The following NEDD4 variants were observed in gnomAD, a reference collection of about 807,000 sequenced individuals.
The protein encoded by NEDD4 is NEDD4 E3 ubiquitin protein ligase.
NEDD4 carries 99 observed loss-of-function variants against 144.9 expected under a neutral mutation model. The ratio of observed to expected loss-of-function variants is 0.68; its 90% CI spans 0.58 to 0.81. The LOEUF (loss-of-function observed/expected upper bound fraction) is 0.81, where lower values mean the gene tolerates loss of function less well. Ranked by LOEUF, NEDD4 falls within the 30% of genes least tolerant of loss-of-function variation. The pLI is 0.00. For missense variants in NEDD4, 985 were observed against 1,065.9 expected (o/e 0.92, Z 1.06); for synonymous variants, 318 against 350.6 (o/e 0.91, Z 1.04).
At chr15:55,848,255 G>T in intron 17 of NEDD4, 117 bp downstream of exon 17, 1 of 903,336 alleles carries the variant, frequency 1.1e-6, no homozygotes, top group Non-Finnish European at 1.8e-6. Flanking sequence ...GGGGAGAGGA[G>T]AGAACGGCCA....
chr15:55,930,894 A>G (rs1472045779), intron 4 of NEDD4, among the ~76,000 whole-genome samples: 1 of 151,884 alleles, frequency 6.6e-6, no homozygotes, highest in Non-Finnish European at 1.5e-5. Context: ...AGTCCATTAA[A>G]CCTCTTTCCT....
intron 4 of NEDD4, among the ~76,000 whole-genome samples, chr15:55,950,256 C>G (rs2037214133): frequency 6.6e-6 from 1 of 152,144 alleles, no homozygotes; most frequent in Admixed American, 6.6e-5. Flanking sequence ...TTATGTCATA[C>G]TACATAGAGT....
intron 1 of NEDD4, among the ~76,000 whole-genome samples, chr15:55,990,955 T>C (rs8031535): frequency 0.16 from 23,605 of 152,190 alleles, 3,435 homozygotes; most frequent in East Asian, 0.44. Context: ...AAGTCACTTA[T>C]ATGTGGAAGA....
intron 1 of NEDD4, among the ~76,000 whole-genome samples, chr15:55,988,645 G>C (rs1595891955): frequency 6.6e-6 from 1 of 152,140 alleles, no homozygotes; most frequent in Admixed American, 6.5e-5. Context: ...AATTTGGATG[G>C]TATCTGTGGA....
At chr15:55,865,552 T>A (rs199718541) in intron 8 of NEDD4, among the ~76,000 whole-genome samples, 1 of 149,040 alleles carries the variant, frequency 6.7e-6, no homozygotes, top group East Asian at 2.0e-4. Flanking sequence ...TAAATAACAT[T>A]AAAAAAAAAA....
chr15:55,866,582 C>T (rs969263951), intron 8 of NEDD4, among the ~76,000 whole-genome samples: 17 of 152,054 alleles, frequency 1.1e-4, no homozygotes, highest in Admixed American at 2.6e-4. Flanking sequence ...TAAAATAGTT[C>T]TCACTACTGC....
intron 5 of NEDD4, among the ~76,000 whole-genome samples, chr15:55,919,216 CAGAT>C (rs1304296615): frequency 9.2e-5 from 14 of 152,108 alleles, no homozygotes; most frequent in Non-Finnish European, 4.4e-5. Flanking sequence ...CAGAAGACAC[CAGAT>C]AGAAGTCTGG....
rs539030774 is a variant in NEDD4 at position 55,936,393 on chromosome 15, T to C, written c.238-11694A>G. Among the ~76,000 whole-genome samples, 16 of 152,014 alleles carry C rather than the reference T, an allele frequency of 1.1e-4. No homozygotes were observed. In the South Asian group the frequency reaches 3.1e-3, roughly 30 times the overall value. ...AAATTTGTGTGCGTATGTAGGTAAG[T>C]TTTTTCCCCCTATCCATAAAAATAC... On this transcript the variant is annotated intron_variant, in intron 4 of 28. Transcript: ENST00000435532.
rs751583068 is a variant in NEDD4, at chr15:55,850,560, G to A, written c.1329C>T (p.Asn443=). The part of the protein sequence containing the change: ...PNGRPFFIDH[N]TKTTTWEDPR... Reference sequence around the variant, plus strand: ...AAGTTACCCAGGTGGTGGTTTTAGTGTTGTGGTCAATAAAGAAAGGCCTCC... The same window carrying A: ...AAGTTACCCAGGTGGTGGTTTTAGTATTGTGGTCAATAAAGAAAGGCCTCC... The change falls in exon 14 of 29, where the codon AAC becomes AAT. Residue 443 remains asparagine, a synonymous_variant. Transcript: ENST00000435532. 2.5e-6 allele frequency: 4 copies of A among 1,614,140 alleles called. No homozygotes were observed. Among genetic ancestry groups the A allele is most frequent in the Admixed American group, 3.3e-5 (2 of 60,022 alleles).
intron 5 of NEDD4, among the ~76,000 whole-genome samples, chr15:55,883,114 G>A (rs959615817): frequency 6.6e-6 from 1 of 152,274 alleles, no homozygotes; most frequent in Admixed American, 6.5e-5. Context: ...CTCAGTTCTT[G>A]GATGGCATTT....
Position 55,827,984 on chromosome 15 carries a change from T to C in NEDD4, c.*1913A>G, listed in dbSNP as rs546535741. The stretch of plus-strand genomic sequence containing the variant: ...TACTCTCATTTGACAGATGAAGAAA[T>C]ATGAATCCAGAGAGGTTAAGTAAGC... On this transcript the variant is annotated 3_prime_UTR_variant, in exon 29 of 29. Transcript: ENST00000435532. The C allele has an allele frequency of 6.6e-6, 1 of 152,298 alleles. No individual in the cohort carries two copies. Among genetic ancestry groups the C allele is most frequent in the South Asian group, 2.1e-4 (1 of 4,826 alleles). 9.4% of individuals were successfully genotyped at this position (152,298 alleles called of 1,614,324 possible).
intron 4 of NEDD4, among the ~76,000 whole-genome samples, chr15:55,936,683 C>T (rs1253522305): frequency 6.6e-6 from 1 of 152,128 alleles, no homozygotes; most frequent in Non-Finnish European, 1.5e-5. Context: ...GATGCCCAAG[C>T]ACAATTCTTA....
intron 1 of NEDD4, among the ~76,000 whole-genome samples, chr15:55,986,366 G>A (rs1161508747): frequency 6.6e-6 from 1 of 152,138 alleles, no homozygotes; most frequent in Non-Finnish European, 1.5e-5. Flanking sequence ...AAGAAACCTG[G>A]CAGACACCAA....
chr15:55,834,207 CA>C lies in NEDD4; in HGVS notation c.2322+19del, dbSNP rs1315129683. 5.6e-6 allele frequency: 9 copies of C among 1,609,612 alleles called. No individual in the cohort carries two copies. Among genetic ancestry groups the C allele is most frequent in the African/African-American group, 1.3e-5 (1 of 74,794 alleles). ...AATGGGTTCACAATTTCTGTTTCAA[CA>C]TAAAATGTTATGTCTTACCTCTAGT... On this transcript the variant is annotated intron_variant, in intron 25 of 28. Coordinates refer to ENST00000435532, the MANE Select transcript of NEDD4 (RefSeq NM_006154.4).
chr15:55,943,271 C>T (rs1389148153), intron 4 of NEDD4, among the ~76,000 whole-genome samples: 1 of 152,200 alleles, frequency 6.6e-6, no homozygotes, highest in Non-Finnish European at 1.5e-5. Context: ...GGAATTCAAG[C>T]CAGCTGCTGG....
intron 4 of NEDD4, among the ~76,000 whole-genome samples, chr15:55,945,973 C>G (rs1165335316): frequency 2.0e-5 from 3 of 152,130 alleles, no homozygotes; most frequent in African/African-American, 7.2e-5. Context: ...TTGTCACCAC[C>G]AGGCCTGCCT....
intron 1 of NEDD4, among the ~76,000 whole-genome samples, chr15:55,992,609 C>T (rs1164896137): frequency 1.3e-5 from 2 of 152,164 alleles, no homozygotes; most frequent in Non-Finnish European, 2.9e-5. Flanking sequence ...TGTTAGACTA[C>T]ATGCAGCCTT....
chr15:55,876,353 T>C (rs1329695088), intron 5 of NEDD4, among the ~76,000 whole-genome samples: 1 of 142,930 alleles, frequency 7.0e-6, no homozygotes, highest in African/African-American at 2.6e-5. Context: ...GTGGGTAAAG[T>C]TTTTTTTTTT....
At chr15:55,833,126 T>G (rs1454410203) in intron 26 of NEDD4, 22 bp from the exon 27 acceptor site, 1 of 1,485,810 alleles carries the variant, frequency 6.7e-7, no homozygotes, top group Non-Finnish European at 9.4e-7. Flanking sequence ...AAAAACATCA[T>G]TTAGGGAACA....
Sources: allele counts gnomAD v4.1 joint callset (sites outside exome capture counted in the v4.1 genomes callset), GRCh38; gene constraint gnomAD v4.1.1; transcripts MANE v1.5; gene names NCBI Gene and HGNC (gene_info 2026-07-23, HGNC 2026-07-21).